The following C13orf42 variants were observed in gnomAD, a reference collection of about 807,000 sequenced individuals.
C13orf42 encodes uncharacterized protein C13orf42.
intron 1 of C13orf42, among the ~76,000 whole-genome samples, chr13:51,166,553 C>A (rs2138053241): frequency 6.7e-6 from 1 of 148,256 alleles, no homozygotes; most frequent in East Asian, 2.0e-4. Flanking sequence ...TGTAACTAAC[C>A]TGCACAATGT....
At chr13:51,100,404 T>A (rs1953276868) in intron 1 of C13orf42, among the ~76,000 whole-genome samples, 1 of 152,052 alleles carries the variant, frequency 6.6e-6, no homozygotes, top group African/African-American at 2.4e-5. Context: ...TGCGCTAATA[T>A]CCTCAAAAAT....
intron 1 of C13orf42, among the ~76,000 whole-genome samples, chr13:51,143,388 C>T (rs747512073): frequency 2.6e-4 from 40 of 152,158 alleles, no homozygotes; most frequent in Non-Finnish European, 2.1e-4. Context: ...CACATTGATG[C>T]AAAACCAGTA....
chr13:51,149,681 C>T (rs1368808202), intron 1 of C13orf42, among the ~76,000 whole-genome samples: 2 of 152,158 alleles, frequency 1.3e-5, no homozygotes, highest in Non-Finnish European at 2.9e-5. Context: ...CCACTATGAG[C>T]CAAAGGCAAT....
chr13:51,086,341 A>G (rs1308071244), intron 2 of C13orf42, among the ~76,000 whole-genome samples: 1 of 151,802 alleles, frequency 6.6e-6, no homozygotes, highest in Non-Finnish European at 1.5e-5. Context: ...AAAAAAAACA[A>G]GAAGACACAG....
chr13:51,095,743 C>T (rs549787490), intron 1 of C13orf42, among the ~76,000 whole-genome samples: 13 of 152,146 alleles, frequency 8.5e-5, no homozygotes, highest in African/African-American at 3.1e-4. Context: ...TGGAATTATC[C>T]ATCTGATCTT....
intron 1 of C13orf42, among the ~76,000 whole-genome samples, chr13:51,160,633 T>C (rs1953857262): frequency 6.6e-6 from 1 of 152,174 alleles, no homozygotes; most frequent in African/African-American, 2.4e-5. Flanking sequence ...TGAATTTGAC[T>C]ATAAGGCACT....
In C13orf42 at chr13:51,082,873, A is replaced by G. The variant is rs146176171; in HGVS notation, c.*1278T>C. ...TAATTACTAGCTGTTTTTTATTTGT[A>G]AGAGTTACATATTCTTAGATTCATA... is the stretch of plus-strand genomic sequence containing the variant. On this transcript the variant is annotated 3_prime_UTR_variant, in exon 4 of 4. Transcript: ENST00000563710. The G allele has an allele frequency of 6.6e-6, 1 of 152,350 alleles. No homozygotes were observed. Among genetic ancestry groups the G allele is most frequent in the East Asian group, 1.9e-4 (1 of 5,180 alleles). 9.4% of individuals were successfully genotyped at this position (152,350 alleles called of 1,614,324 possible).
chr13:51,119,743 CAGAGG>C (rs1268418073), intron 1 of C13orf42, among the ~76,000 whole-genome samples: 1 of 151,960 alleles, frequency 6.6e-6, no homozygotes, highest in African/African-American at 2.4e-5. Flanking sequence ...TTGCCAAGGG[CAGAGG>C]AGAGGAGAAA....
intron 1 of C13orf42, chr13:51,162,339 C>T (rs1302681325): frequency 1.7e-5 from 3 of 177,216 alleles, no homozygotes; most frequent in Non-Finnish European, 3.7e-5. Flanking sequence ...ACAAACCCCA[C>T]CCTGCGGAAC....
chr13:51,098,267 T>A, intron 1 of C13orf42, among the ~76,000 whole-genome samples: 1 of 152,028 alleles, frequency 6.6e-6, no homozygotes, highest in East Asian at 1.9e-4. Context: ...CTGCAAGAGA[T>A]CTAAATTCTA....
intron 1 of C13orf42, among the ~76,000 whole-genome samples, chr13:51,159,446 C>T (rs1344722046): frequency 2.0e-5 from 3 of 152,212 alleles, no homozygotes; most frequent in Non-Finnish European, 2.9e-5. Flanking sequence ...AGCTTTTATG[C>T]TTCCCCCAGC....
chr13:51,158,753 T>A (rs1343386933), intron 1 of C13orf42, among the ~76,000 whole-genome samples: 1 of 152,246 alleles, frequency 6.6e-6, no homozygotes, highest in Non-Finnish European at 1.5e-5. Context: ...TATTGATTTC[T>A]GGGGGTTTTC....
At chr13:51,163,473 TTACA>T (rs1287998618) in intron 1 of C13orf42, among the ~76,000 whole-genome samples, 1 of 152,188 alleles carries the variant, frequency 6.6e-6, no homozygotes, top group East Asian at 1.9e-4. Context: ...TTTTGAGGAC[TTACA>T]TACATGGCAG....
chr13:51,126,088 C>T (rs912075283), intron 1 of C13orf42, among the ~76,000 whole-genome samples: 4 of 152,184 alleles, frequency 2.6e-5, no homozygotes, highest in Non-Finnish European at 5.9e-5. Flanking sequence ...TGTGTGCCTA[C>T]GTGTGTGGCC....
At chr13:51,118,611 C>G (rs985047010) in intron 1 of C13orf42, among the ~76,000 whole-genome samples, 1 of 152,210 alleles carries the variant, frequency 6.6e-6, no homozygotes, top group African/African-American at 2.4e-5. Flanking sequence ...GCAGCCTCGG[C>G]TATCTGCTTT....
At chr13:51,098,309 T>C (rs990807047) in intron 1 of C13orf42, among the ~76,000 whole-genome samples, 8 of 151,962 alleles carry the variant, frequency 5.3e-5, no homozygotes, top group Non-Finnish European at 1.0e-4. Flanking sequence ...AACAGCAACA[T>C]TGTGTCAGAA....
chr13:51,101,517 A>G (rs1953290834), intron 1 of C13orf42, among the ~76,000 whole-genome samples: 1 of 152,212 alleles, frequency 6.6e-6, no homozygotes, highest in Non-Finnish European at 1.5e-5. Context: ...TTCCACTAAA[A>G]AAAAGAAAAG....
At chr13:51,119,989 AAAG>A (rs1371153412) in intron 1 of C13orf42, among the ~76,000 whole-genome samples, 1 of 152,210 alleles carries the variant, frequency 6.6e-6, no homozygotes, top group Non-Finnish European at 1.5e-5. Flanking sequence ...TTTAAAAAAA[AAAG>A]AAAGCATCCC....
chr13:51,167,195 A>C (rs761352254), intron 1 of C13orf42, among the ~76,000 whole-genome samples: 1 of 152,230 alleles, frequency 6.6e-6, no homozygotes, highest in Non-Finnish European at 1.5e-5. Flanking sequence ...GAAACCCATC[A>C]GTAGTTTGCT....
Sources: gnomAD v4.1 joint callset for allele counts (sites outside exome capture counted in the v4.1 genomes callset) on GRCh38, gnomAD v4.1.1 for gene constraint, MANE v1.5 for transcripts, NCBI Gene and HGNC (gene_info 2026-07-23, HGNC 2026-07-21) for gene names.